Variants in ACSM1 observed in about 807,000 individuals in gnomAD.
The protein encoded by ACSM1 is acyl-CoA synthetase medium chain family member 1.
ACSM1 carries 79 observed loss-of-function variants against 75.8 expected under a neutral mutation model. The ratio of observed to expected loss-of-function variants is 1.04; its 90% CI spans 0.87 to 1.26. ACSM1 has a LOEUF of 1.26. Ranked by LOEUF, ACSM1 falls within the 50% of genes most tolerant of loss-of-function variation. The pLI, the probability that ACSM1 is intolerant of heterozygous loss-of-function variation, is 0.00. For synonymous variants in ACSM1, 279 were observed against 265.8 expected (o/e 1.05, Z -0.48); for missense variants, 676 against 720.1 (o/e 0.94, Z 0.70).
intron 10 of ACSM1, among the ~76,000 whole-genome samples, chr16:20,629,750 T>G (rs1267728108): frequency 1.3e-5 from 2 of 152,170 alleles, no homozygotes; most frequent in African/African-American, 2.4e-5. Context: ...TCCCAGCATT[T>G]TTGGAGGCTG....
intron 3 of ACSM1, 23 bp from the exon 4 acceptor site, chr16:20,682,486 T>C: frequency 1.9e-6 from 3 of 1,599,000 alleles, no homozygotes; most frequent in Non-Finnish European, 1.7e-6. Flanking sequence ...AAGGAACTGA[T>C]TGTTTTGGTT....
chr16:20,659,702 T>C (rs1242579486), intron 7 of ACSM1, among the ~76,000 whole-genome samples: 1 of 152,160 alleles, frequency 6.6e-6, no homozygotes, highest in Non-Finnish European at 1.5e-5. Flanking sequence ...TTCCTTTCCA[T>C]ATCCAGGAGA....
chr16:20,670,923 T>C (rs543123455), intron 5 of ACSM1, among the ~76,000 whole-genome samples: 1 of 152,314 alleles, frequency 6.6e-6, no homozygotes, highest in East Asian at 1.9e-4. Context: ...ATAAAGAATT[T>C]GGTCCATTCT....
At chr16:20,671,406 A>C in intron 5 of ACSM1, 125 bp downstream of exon 5, 1 of 1,008,580 alleles carries the variant, frequency 9.9e-7, no homozygotes, top group Non-Finnish European at 1.4e-6. Flanking sequence ...GAAAAGGAGT[A>C]TGTAGTCACT....
At position 20,672,448 on chromosome 16, in the gene ACSM1, C is replaced by CAAAAAA. The variant is rs528742963; in HGVS notation, c.612-783_612-778dup. Among the ~76,000 whole-genome samples the CAAAAAA allele has an allele frequency of 1.6e-3, 34 of 21,896 alleles. 1 individual carries two copies. The highest frequency in any genetic ancestry group is 5.0e-3 in the African/African-American group (19 of 3,768). The allele number at this position is 21,896 out of a possible 152,430, so 14.4% of individuals were successfully genotyped here. A position where few individuals can be genotyped will look rare whatever the true frequency, so the allele number is the denominator to read the frequency against. ...TGGGTGACAGAGCAAAACTCCATCT[C>CAAAAAA]AAAAAAAAAAAAAAAAAAAAAAAAT... is the stretch of plus-strand genomic sequence containing the variant. On this transcript the variant is annotated intron_variant, in intron 4 of 13. Coordinates refer to ENST00000520010, the MANE Select transcript of ACSM1 (RefSeq NM_001318890.3).
intron 10 of ACSM1, among the ~76,000 whole-genome samples, chr16:20,635,584 CTT>C (rs1567251580): frequency 0.029 from 187 of 6,364 alleles, 1 homozygote; most frequent in Middle Eastern, 0.083. Flanking sequence ...TTTTCTTTTT[CTT>C]TCTTTCTTTC....
chr16:20,647,077 AG>A (rs1359858391), intron 7 of ACSM1, among the ~76,000 whole-genome samples: 2 of 152,220 alleles, frequency 1.3e-5, no homozygotes, highest in Non-Finnish European at 2.9e-5. Flanking sequence ...TTCTGTTAGA[AG>A]GTGCCTGTTT....
At chr16:20,641,745 T>A in intron 7 of ACSM1, among the ~76,000 whole-genome samples, 1 of 152,166 alleles carries the variant, frequency 6.6e-6, no homozygotes, top group East Asian at 1.9e-4. Context: ...CCCCACAACC[T>A]GGTGTTGGGC....
intron 7 of ACSM1, among the ~76,000 whole-genome samples, chr16:20,660,092 C>T (rs1362388998): frequency 6.6e-6 from 1 of 152,172 alleles, no homozygotes; most frequent in African/African-American, 2.4e-5. Context: ...GGGTCATGGT[C>T]ACTCATATTT....
At chr16:20,692,243 T>C (rs2152339994) in intron 1 of ACSM1, among the ~76,000 whole-genome samples, 2 of 152,344 alleles carry the variant, frequency 1.3e-5, no homozygotes, top group Middle Eastern at 6.8e-3. Flanking sequence ...CAGGAAATCC[T>C]GAGACTATGT....
Position 20,625,436 on chromosome 16 carries a change from G to C in ACSM1, c.1514C>G (p.Pro505Arg). Residue 505 changes from proline (P) to arginine (R), a missense_variant, in exon 12 of 14, where the codon CCG (proline) becomes CGG (arginine). By Grantham distance (103) the Pro-to-Arg change is moderately radical (BLOSUM62 -2). Coordinates refer to ENST00000520010, the MANE Select transcript of ACSM1 (RefSeq NM_001318890.3). The stretch of plus-strand genomic sequence containing the variant: ...TGTTCTCCTCACCTCCCCTCGAATC[G>C]GGTCTGGGCTGCCCACCACGGCTGA... ...AESAVVGSPD[P>R]IRGEVVKAFI... 1 of 1,613,992 alleles carries C rather than the reference G, an allele frequency of 6.2e-7. No individual in the cohort carries two copies. The highest frequency in any genetic ancestry group is 8.5e-7 in the Non-Finnish European group (1 of 1,180,012).
intron 7 of ACSM1, among the ~76,000 whole-genome samples, chr16:20,646,835 C>A (rs538720786): frequency 1.3e-5 from 2 of 152,310 alleles, no homozygotes; most frequent in East Asian, 3.9e-4. Context: ...GAACACCTAT[C>A]AAACATCAGG....
At chr16:20,637,478 G>T (rs1336122680) in intron 8 of ACSM1, 27 bp from the exon 9 acceptor site, 2 of 1,596,810 alleles carry the variant, frequency 1.3e-6, no homozygotes, top group Non-Finnish European at 1.7e-6. Flanking sequence ...GAAGATTTGG[G>T]TTGATCAGAG....
chr16:20,628,133 T>G (rs559554774), intron 10 of ACSM1, among the ~76,000 whole-genome samples: 1 of 151,956 alleles, frequency 6.6e-6, no homozygotes, highest in African/African-American at 2.4e-5. Context: ...CTTTTCATTT[T>G]AAGACAAATG....
intron 7 of ACSM1, among the ~76,000 whole-genome samples, chr16:20,660,659 C>A (rs890729822): frequency 1.3e-5 from 2 of 152,130 alleles, no homozygotes; most frequent in Admixed American, 1.3e-4. Context: ...TGAGTAAAAT[C>A]AAATTATAAT....
chr16:20,678,491 A>G (rs2079361044), intron 4 of ACSM1, among the ~76,000 whole-genome samples: 1 of 152,210 alleles, frequency 6.6e-6, no homozygotes, highest in Non-Finnish European at 1.5e-5. Context: ...TATGAACTTC[A>G]CCGAATTACC....
chr16:20,624,739 G>T (rs892182328), intron 12 of ACSM1, among the ~76,000 whole-genome samples: 3 of 151,926 alleles, frequency 2.0e-5, no homozygotes, highest in Non-Finnish European at 4.4e-5. Context: ...TTGTCGCCCA[G>T]ACTGGCGTGC....
intron 7 of ACSM1, among the ~76,000 whole-genome samples, chr16:20,647,900 C>G (rs1157836393): frequency 1.3e-5 from 2 of 152,130 alleles, no homozygotes; most frequent in African/African-American, 2.4e-5. Flanking sequence ...GAACACGTTC[C>G]TTATAAATGC....
chr16:20,691,504 C>T (rs1160111992), intron 1 of ACSM1, among the ~76,000 whole-genome samples: 1 of 152,060 alleles, frequency 6.6e-6, no homozygotes, highest in Non-Finnish European at 1.5e-5. Context: ...AAGATGTCAG[C>T]CCAGGATGGA....
Sources: gnomAD v4.1 joint callset for allele counts (sites outside exome capture counted in the v4.1 genomes callset) on GRCh38, gnomAD v4.1.1 for gene constraint, MANE v1.5 for transcripts, NCBI Gene and HGNC (gene_info 2026-07-23, HGNC 2026-07-21) for gene names.